Variants in PRMT8 observed in about 807,000 individuals in gnomAD.
PRMT8 encodes the protein protein arginine N-methyltransferase 8.
Under a neutral mutation model 47.1 loss-of-function variants are expected in PRMT8, and 7 were observed. That is an observed-to-expected ratio of 0.15 (90% confidence interval 0.08 to 0.28). The LOEUF is 0.28. PRMT8 is among the 10% of genes least tolerant of loss of function. The probability of loss-of-function intolerance (pLI) is 1.00; values close to 1 mark genes in which losing one functional copy is unlikely to be tolerated. For missense variants in PRMT8, 237 were observed against 505.4 expected, an observed-to-expected ratio of 0.47 and a Z score of 5.09; for synonymous variants, 188 against 186.5, an observed-to-expected ratio of 1.01 and a Z score of -0.07.
In PRMT8 at chr12:3,581,216, G is replaced by C. The variant is rs554147214; in HGVS notation, c.829-1842G>C. On this transcript the variant is annotated intron_variant, in intron 7 of 9. Coordinates refer to ENST00000382622, the MANE Select transcript of PRMT8 (RefSeq NM_019854.5). ...ACCCACCCAGAGGAGAAAGGCCAGG[G>C]TGATGAGCGGTCAGACATCACGACT... is the stretch of plus-strand genomic sequence containing the variant. Among the ~76,000 whole-genome samples the C allele has an allele frequency of 2.6e-5, 4 of 152,336 alleles. No homozygotes were observed. The South Asian group carries it at 8.3e-4, about 32-fold the overall frequency.
intron 1 of PRMT8, among the ~76,000 whole-genome samples, chr12:3,509,907 C>T (rs555494181): frequency 2.0e-5 from 3 of 152,274 alleles, no homozygotes; most frequent in South Asian, 4.1e-4. Flanking sequence ...CAAGTGTAAC[C>T]GGCACGGCAT....
Position 3,523,032 on chromosome 12 carries a change from TAGTC to T in PRMT8, c.76-17571_76-17568del, listed in dbSNP as rs374477810. ...GAAAAAAAAAATCCCATCAAACTAA[TAGTC>T]AGCAGAATTAAAACCTCCACCCCCC... is the stretch of plus-strand genomic sequence containing the variant. On this transcript the variant is annotated intron_variant, in intron 1 of 9. Transcript: ENST00000382622. 2.4e-4 allele frequency among the ~76,000 whole-genome samples: 37 copies of T among 151,978 alleles called. No individual in the cohort carries two copies. In the East Asian group the frequency reaches 6.6e-3, roughly 27 times the overall value.
intron 1 of PRMT8, among the ~76,000 whole-genome samples, chr12:3,408,763 T>C (rs903432309): frequency 1.3e-5 from 2 of 152,078 alleles, no homozygotes; most frequent in Admixed American, 6.5e-5. Context: ...CAGGTGCCGG[T>C]TGGGCAGGCT....
chr12:3,519,267 G>A (rs1865843721), intron 1 of PRMT8, among the ~76,000 whole-genome samples: 1 of 152,186 alleles, frequency 6.6e-6, no homozygotes, highest in African/African-American at 2.4e-5. Context: ...AAGCGAGATA[G>A]AGACTGGAAA....
At chr12:3,554,075 G>T (rs373915992) in intron 4 of PRMT8, among the ~76,000 whole-genome samples, 5 of 151,856 alleles carry the variant, frequency 3.3e-5, no homozygotes, top group Non-Finnish European at 7.4e-5. Flanking sequence ...CATGAGCCCC[G>T]ACCCAATGTT....
At chr12:3,589,862 A>T (rs1867262042) in intron 8 of PRMT8, among the ~76,000 whole-genome samples, 1 of 152,218 alleles carries the variant, frequency 6.6e-6, no homozygotes, top group South Asian at 2.1e-4. Flanking sequence ...AGGTGACAGA[A>T]GGAGGCTGCT....
Position 3,538,862 on chromosome 12 carries a change from C to G in PRMT8, c.76-1744C>G, listed in dbSNP as rs1008261349. 6.6e-6 allele frequency among the ~76,000 whole-genome samples: 1 copy of G among 152,196 alleles called. No individual in the cohort carries two copies. The highest frequency in any genetic ancestry group is 2.4e-5 in the African/African-American group (1 of 41,444). ...CTTTGCCAGCCCGCCCGGGATCTCA[C>G]CGACGTGAAATCTGATGTTGCTAAA... On this transcript the variant is annotated intron_variant, in intron 1 of 9. Coordinates refer to ENST00000382622, the MANE Select transcript of PRMT8 (RefSeq NM_019854.5). This position sits in a 1 kb window ranked among gnomAD's most constrained non-coding sequence, Gnocchi z 4.6.
chr12:3,462,047 C>T (rs911542434), intron 1 of PRMT8, among the ~76,000 whole-genome samples: 3 of 151,996 alleles, frequency 2.0e-5, no homozygotes, highest in African/African-American at 7.3e-5. Flanking sequence ...TCCTCCCAAC[C>T]TCCATTCTCC....
intron 9 of PRMT8, among the ~76,000 whole-genome samples, chr12:3,592,680 G>T (rs781564442): frequency 5.9e-5 from 9 of 152,130 alleles, no homozygotes; most frequent in Non-Finnish European, 1.3e-4. Context: ...TAAGCTCCTG[G>T]TGGCTGGAGG....
chr12:3,439,539 A>T (rs994867429), intron 1 of PRMT8, among the ~76,000 whole-genome samples: 5 of 152,206 alleles, frequency 3.3e-5, no homozygotes, highest in South Asian at 2.1e-4. Flanking sequence ...TTCTCAGCTT[A>T]CATCCCAGTG....
At chr12:3,420,341 C>T (rs1591544299) in intron 1 of PRMT8, among the ~76,000 whole-genome samples, 1 of 152,150 alleles carries the variant, frequency 6.6e-6, no homozygotes, top group Admixed American at 6.5e-5. Flanking sequence ...CCTCAGTTTC[C>T]TCATCTGTGA....
At chr12:3,454,108 C>T (rs1864949404) in intron 1 of PRMT8, among the ~76,000 whole-genome samples, 2 of 152,162 alleles carry the variant, frequency 1.3e-5, no homozygotes, top group South Asian at 4.1e-4. Flanking sequence ...AACACGGAGG[C>T]CCATCTGACT....
intron 4 of PRMT8, among the ~76,000 whole-genome samples, chr12:3,565,117 T>A (rs1453955258): frequency 6.6e-6 from 1 of 152,220 alleles, no homozygotes; most frequent in East Asian, 1.9e-4. Flanking sequence ...AACTGGAACT[T>A]GGAGGCACCA....
At chr12:3,430,892 A>G (rs1864668864) in intron 1 of PRMT8, among the ~76,000 whole-genome samples, 1 of 152,190 alleles carries the variant, frequency 6.6e-6, no homozygotes, top group Non-Finnish European at 1.5e-5. Flanking sequence ...CTAATACAGC[A>G]TCAGCAGGAG....
intron 1 of PRMT8, among the ~76,000 whole-genome samples, chr12:3,410,542 T>C (rs983639780): frequency 2.6e-5 from 4 of 152,238 alleles, no homozygotes; most frequent in Admixed American, 2.6e-4. Context: ...GGAGTCTTGC[T>C]CTGTCGCCCA....
intron 7 of PRMT8, among the ~76,000 whole-genome samples, chr12:3,578,657 T>C (rs1866995520): frequency 6.6e-6 from 1 of 152,066 alleles, no homozygotes; most frequent in South Asian, 2.1e-4. Flanking sequence ...ATATTTATAG[T>C]AGGATAAAGG....
At chr12:3,507,827 C>T (rs943098351) in intron 1 of PRMT8, among the ~76,000 whole-genome samples, 14 of 147,596 alleles carry the variant, frequency 9.5e-5, no homozygotes, top group South Asian at 4.3e-4. Flanking sequence ...GGTGCGATCT[C>T]GGATCACTGC....
intron 4 of PRMT8, among the ~76,000 whole-genome samples, chr12:3,558,948 G>GGCTA (rs1276847106): frequency 7.1e-5 from 8 of 112,638 alleles, no homozygotes; most frequent in South Asian, 5.7e-4. Context: ...ACATTTATCT[G>GGCTA]TCTATCTATC....
intron 1 of PRMT8, among the ~76,000 whole-genome samples, chr12:3,531,982 G>A (rs1866038337): frequency 6.6e-6 from 1 of 152,160 alleles, no homozygotes; most frequent in African/African-American, 2.4e-5. Flanking sequence ...TCAGGACAGG[G>A]TTCCTAGGCA....
Sources: gnomAD v4.1 joint callset for allele counts (sites outside exome capture counted in the v4.1 genomes callset) on GRCh38, gnomAD v4.1.1 for gene constraint, Gnocchi (gnomAD v3.1) non-coding constraint, MANE v1.5 for transcripts, NCBI Gene and HGNC (gene_info 2026-07-23, HGNC 2026-07-21) for gene names.